CKAP5: variants seen among roughly 807,000 people sequenced by gnomAD.
CKAP5 encodes cytoskeleton associated protein 5.
In CKAP5, 27 loss-of-function variants were observed where a neutral mutation model predicts 232.8. The ratio of observed to expected loss-of-function variants is 0.12; its 90% confidence interval spans 0.09 to 0.16. The LOEUF is 0.16. CKAP5 is among the 10% of genes least tolerant of loss of function. CKAP5 has a pLI of 1.00. For missense variants in CKAP5, 1,838 were observed against 2,424.7 expected (o/e 0.76, Z 5.08); for synonymous variants, 785 against 841.1 (o/e 0.93, Z 1.16).
chr11:46,757,219 G>A (rs182345677), intron 35 of CKAP5, among the ~76,000 whole-genome samples: 25 of 151,766 alleles, frequency 1.6e-4, no homozygotes, highest in African/African-American at 5.3e-4. Context: ...TCACCCTGAC[G>A]CAGTGGCTCA....
At chr11:46,803,890 G>C (rs747533634) in intron 8 of CKAP5, among the ~76,000 whole-genome samples, 7 of 152,132 alleles carry the variant, frequency 4.6e-5, no homozygotes, top group Non-Finnish European at 8.8e-5. Flanking sequence ...ATACCTCTCA[G>C]ATATGATTTA....
intron 1 of CKAP5, among the ~76,000 whole-genome samples, chr11:46,837,971 G>A (rs1939953656): frequency 1.3e-5 from 2 of 151,816 alleles, no homozygotes; most frequent in East Asian, 1.9e-4. Context: ...AGAAAAGGAG[G>A]GGAAAAAAAA....
chr11:46,818,908 T>C (rs1244450996), intron 2 of CKAP5, among the ~76,000 whole-genome samples: 1 of 152,204 alleles, frequency 6.6e-6, no homozygotes, highest in African/African-American at 2.4e-5. Flanking sequence ...ATTAGGTAGC[T>C]TTATATTACA....
chr11:46,789,704 G>A (rs1013930645), intron 15 of CKAP5, among the ~76,000 whole-genome samples: 3 of 152,094 alleles, frequency 2.0e-5, no homozygotes, highest in Non-Finnish European at 4.4e-5. Flanking sequence ...GCTGAGGCAG[G>A]AGAATGGCGT....
At chr11:46,770,159 C>T (rs967197714) in intron 25 of CKAP5, 61 bp from the exon 26 acceptor site, 11 of 1,542,820 alleles carry the variant, frequency 7.1e-6, no homozygotes, top group Non-Finnish European at 9.8e-6. Context: ...TCATACAAAG[C>T]TTATGAACAA....
intron 24 of CKAP5, among the ~76,000 whole-genome samples, chr11:46,774,782 G>T (rs2065277967): frequency 6.6e-6 from 1 of 152,172 alleles, no homozygotes; most frequent in Admixed American, 6.5e-5. Context: ...AAACTGGTTA[G>T]CCATATGCAG....
intron 32 of CKAP5, among the ~76,000 whole-genome samples, chr11:46,760,986 T>C (rs2065150193): frequency 6.6e-6 from 1 of 152,126 alleles, no homozygotes; most frequent in African/African-American, 2.4e-5. Flanking sequence ...CAGTGGCTCA[T>C]GCATGTAATC....
At chr11:46,764,291 TC>T (rs1259326347) in intron 28 of CKAP5, among the ~76,000 whole-genome samples, 1 of 152,118 alleles carries the variant, frequency 6.6e-6, no homozygotes, top group Non-Finnish European at 1.5e-5. Flanking sequence ...ATAGATACAC[TC>T]ACATATGTGT....
At chr11:46,845,489 C>T (rs1486610851) in intron 1 of CKAP5, among the ~76,000 whole-genome samples, 1 of 152,184 alleles carries the variant, frequency 6.6e-6, no homozygotes. Flanking sequence ...GCATTTCAAT[C>T]CTGCTCAACA....
chr11:46,799,954 T>C (rs1014523659), intron 9 of CKAP5, among the ~76,000 whole-genome samples: 1 of 151,776 alleles, frequency 6.6e-6, no homozygotes, highest in Admixed American at 6.6e-5. Flanking sequence ...TGAACTGAGA[T>C]GGTGCCACTG....
intron 16 of CKAP5, among the ~76,000 whole-genome samples, chr11:46,787,244 T>TA (rs372274905): frequency 9.9e-5 from 15 of 152,218 alleles, no homozygotes; most frequent in African/African-American, 3.6e-4. Context: ...CCTATACGAA[T>TA]AAGGTGCTAT....
chr11:46,807,038 G>C (rs1408988968), intron 8 of CKAP5, among the ~76,000 whole-genome samples: 2 of 152,198 alleles, frequency 1.3e-5, no homozygotes, highest in Admixed American at 6.6e-5. Flanking sequence ...GTGCAAACAG[G>C]CTGTGATGTA....
chr11:46,834,557 G>A (rs573490231), intron 1 of CKAP5, among the ~76,000 whole-genome samples: 208 of 150,730 alleles, frequency 1.4e-3, no homozygotes, highest in African/African-American at 4.8e-3. Context: ...AGCCTAAGTC[G>A]GGTTACAGCC....
intron 40 of CKAP5, 99 bp from the exon 41 acceptor site, chr11:46,750,710 CT>C: frequency 1.1e-6 from 1 of 917,998 alleles, no homozygotes; most frequent in Non-Finnish European, 1.7e-6. Context: ...AAATCTGGGC[CT>C]TATTGGTATG....
chr11:46,777,417 T>C, intron 23 of CKAP5, 22 bp downstream of exon 23: 2 of 1,435,492 alleles, frequency 1.4e-6, no homozygotes, highest in Non-Finnish European at 9.8e-7. Flanking sequence ...AATGGAGGCA[T>C]GGTGAAAAGA....
At chr11:46,771,701 C>A (rs1017840325) in intron 24 of CKAP5, among the ~76,000 whole-genome samples, 2 of 152,028 alleles carry the variant, frequency 1.3e-5, no homozygotes, top group African/African-American at 4.8e-5. Flanking sequence ...AGCTATAGTC[C>A]CAGTTTTTGG....
At chr11:46,785,662 TGCAATTATC>T (rs538425334) in intron 16 of CKAP5, among the ~76,000 whole-genome samples, 250 of 152,248 alleles carry the variant, frequency 1.6e-3, no homozygotes, top group African/African-American at 5.5e-3. Flanking sequence ...TCTTTTAAAA[TGCAATTATC>T]GCCTGGCTCA....
intron 42 of CKAP5, among the ~76,000 whole-genome samples, chr11:46,749,215 G>A (rs540954455): frequency 5.7e-4 from 86 of 152,076 alleles, no homozygotes; most frequent in Middle Eastern, 6.8e-3. Flanking sequence ...AGCACTTTGG[G>A]AGGCCAAGGT....
intron 4 of CKAP5, among the ~76,000 whole-genome samples, chr11:46,812,516 T>C (rs1391946438): frequency 1.3e-5 from 2 of 152,184 alleles, no homozygotes; most frequent in Non-Finnish European, 2.9e-5. Flanking sequence ...GTATGAGTAG[T>C]AGGACCCAAA....
Sources: gnomAD v4.1 joint callset for allele counts (sites outside exome capture counted in the v4.1 genomes callset) on GRCh38, gnomAD v4.1.1 for gene constraint, MANE v1.5 for transcripts, NCBI Gene and HGNC (gene_info 2026-07-23, HGNC 2026-07-21) for gene names.